PIN4: variants seen among roughly 807,000 people sequenced by gnomAD.
The protein encoded by PIN4 is peptidyl-prolyl cis-trans isomerase NIMA-interacting 4.
Under a neutral mutation model 8.3 loss-of-function variants are expected in PIN4, and 3 were observed. The observed-to-expected ratio is 0.36, with a 90% CI of 0.16 to 0.93. The LOEUF is 0.93. PIN4 is among the 40% of genes least tolerant of loss of function. The probability of loss-of-function intolerance (pLI) is 0.44; values close to 1 mark genes in which losing one functional copy is unlikely to be tolerated. For synonymous variants in PIN4, 18 were observed against 32.5 expected, an observed-to-expected ratio of 0.55 and a Z score of 1.52; for missense variants, 75 against 100.6, an observed-to-expected ratio of 0.75 and a Z score of 1.09.
chrX:72,219,171 G>A (rs1042517325), intron 3 of PIN4, among the ~76,000 whole-genome samples: 1 of 111,581 alleles, frequency 9.0e-6, no homozygotes, highest in Admixed American at 9.5e-5. Flanking sequence ...CAGGAGAATC[G>A]CTTGAACCCA....
chrX:72,208,009 A>C, intron 3 of PIN4: 1 of 1,211,045 alleles, frequency 8.3e-7, no homozygotes, highest in Non-Finnish European at 1.1e-6. Flanking sequence ...TGTGAGGAGG[A>C]GGCGATTACT....
intron 3 of PIN4, chrX:72,239,088 G>T: frequency 2.2e-6 from 1 of 453,565 alleles, no homozygotes; most frequent in Non-Finnish European, 3.7e-6. Context: ...GCCAATCCGC[G>T]ACCACGCGCT....
At chrX:72,223,669 G>A (rs1366857125) in intron 3 of PIN4, among the ~76,000 whole-genome samples, 1 of 111,450 alleles carries the variant, frequency 9.0e-6, no homozygotes, top group African/African-American at 3.3e-5. Flanking sequence ...AAGGCCTTCC[G>A]TGTCTTTAAC....
At chrX:72,235,645 G>A (rs2147606810) in intron 3 of PIN4, among the ~76,000 whole-genome samples, 1 of 111,252 alleles carries the variant, frequency 9.0e-6, no homozygotes, top group African/African-American at 3.3e-5. Flanking sequence ...CACCCACCTT[G>A]GCCTCCCCAA....
intron 3 of PIN4, among the ~76,000 whole-genome samples, chrX:72,249,457 CAG>C (rs936965984): frequency 3.6e-5 from 4 of 111,782 alleles, no homozygotes; most frequent in Non-Finnish European, 7.5e-5. Context: ...TATGTGCTCA[CAG>C]AGAGACTTGT....
chrX:72,181,716 C>G (rs763284331), upstream of PIN4: 3 of 1,079,601 alleles, frequency 2.8e-6, no homozygotes, highest in South Asian at 5.5e-5. Context: ...AGGACATGCC[C>G]ATGGCGGGGC....
chrX:72,262,860 CAGA>C, exon 4 of PIN4: 1 of 614,508 alleles, frequency 1.6e-6, no homozygotes, highest in East Asian at 3.7e-5. Flanking sequence ...GTTCCAATTT[CAGA>C]AGGTGACATT....
chrX:72,226,176 G>A (rs757972058), intron 3 of PIN4, among the ~76,000 whole-genome samples: 2 of 111,355 alleles, frequency 1.8e-5, no homozygotes, highest in Non-Finnish European at 3.8e-5. Flanking sequence ...TTTAGACACT[G>A]ACCAACACTC....
At chrX:72,244,723 G>C (rs2043061127) in intron 3 of PIN4, among the ~76,000 whole-genome samples, 1 of 110,875 alleles carries the variant, frequency 9.0e-6, no homozygotes, top group South Asian at 3.8e-4. Context: ...TGTTGCTCTT[G>C]GGGACTGAGA....
At chrX:72,249,673 A>G (rs1188690220) in intron 3 of PIN4, among the ~76,000 whole-genome samples, 1 of 112,025 alleles carries the variant, frequency 8.9e-6, no homozygotes, top group Non-Finnish European at 1.9e-5. Flanking sequence ...CAATCTCAGA[A>G]TGTTACATAC....
downstream of PIN4, among the ~76,000 whole-genome samples, chrX:72,202,378 A>C (rs1450369326): frequency 8.9e-6 from 1 of 112,596 alleles, no homozygotes; most frequent in African/African-American, 3.2e-5. Flanking sequence ...AAATATTCCT[A>C]GGACTTAGAC....
At chrX:72,208,790 C>G in intron 3 of PIN4, 1 of 750,131 alleles carries the variant, frequency 1.3e-6, no homozygotes, top group Non-Finnish European at 1.9e-6. Flanking sequence ...CAAACTGCAG[C>G]TGGACTTTTA....
chrX:72,182,954 C>T (rs761532171), intron 1 of PIN4, among the ~76,000 whole-genome samples: 1 of 111,734 alleles, frequency 8.9e-6, no homozygotes, highest in African/African-American at 3.3e-5. Flanking sequence ...TCAGAAAGAC[C>T]TGTAAGGAGA....
intron 3 of PIN4, among the ~76,000 whole-genome samples, chrX:72,244,992 G>C (rs1426186632): frequency 1.1e-5 from 1 of 89,782 alleles, no homozygotes; most frequent in Non-Finnish European, 2.1e-5. Context: ...AGAATCTTTT[G>C]AGCCCAGGAG....
intron 3 of PIN4, among the ~76,000 whole-genome samples, chrX:72,251,020 A>G (rs1221567551): frequency 2.8e-5 from 3 of 105,294 alleles, no homozygotes; most frequent in Non-Finnish European, 5.9e-5. Flanking sequence ...GATTACAGGC[A>G]TGAGCCACCA....
intron 3 of PIN4, among the ~76,000 whole-genome samples, chrX:72,218,536 C>G (rs1165686939): frequency 9.3e-6 from 1 of 107,252 alleles, no homozygotes; most frequent in African/African-American, 3.4e-5. Context: ...CTCTGTCACC[C>G]AGGCTGGAGT....
At chrX:72,251,048 G>A (rs2043084876) in intron 3 of PIN4, among the ~76,000 whole-genome samples, 1 of 104,720 alleles carries the variant, frequency 9.5e-6, no homozygotes, top group Non-Finnish European at 2.0e-5. Context: ...CCTGGTACAT[G>A]CATTTTTTTA....
At chrX:72,192,260 C>T (rs1159075789) in intron 2 of PIN4, among the ~76,000 whole-genome samples, 4 of 111,452 alleles carry the variant, frequency 3.6e-5, no homozygotes, top group African/African-American at 9.8e-5. Flanking sequence ...GTGTAAATTT[C>T]GTATTTACAT....
At chrX:72,208,013 G>A (rs2042830426) in intron 3 of PIN4, 3 of 1,210,793 alleles carry the variant, frequency 2.5e-6, no homozygotes, top group East Asian at 3.0e-5. Flanking sequence ...AGGAGGAGGC[G>A]ATTACTTGCA....
Sources: allele counts gnomAD v4.1 joint callset (sites outside exome capture counted in the v4.1 genomes callset), GRCh38; gene constraint gnomAD v4.1.1; transcripts MANE v1.5; gene names NCBI Gene and HGNC (gene_info 2026-07-23, HGNC 2026-07-21).